UHRF2: variants seen among roughly 807,000 people sequenced by gnomAD.
UHRF2 encodes the protein ubiquitin like with PHD and ring finger domains 2.
In UHRF2, 23 loss-of-function variants were observed where a neutral mutation model predicts 96.8. That is an observed-to-expected ratio of 0.24 (90% CI 0.17 to 0.34). UHRF2 has a LOEUF of 0.34. UHRF2 is among the 10% of genes least tolerant of loss of function. The pLI is 1.00. For synonymous variants in UHRF2, 385 were observed against 332.6 expected, an observed-to-expected ratio of 1.16 and a Z score of -1.72; for missense variants, 685 against 981.5, an observed-to-expected ratio of 0.70 and a Z score of 4.04.
chr9:6,423,968 A>G (rs570895039), intron 2 of UHRF2, among the ~76,000 whole-genome samples: 2 of 150,530 alleles, frequency 1.3e-5, no homozygotes, highest in South Asian at 4.2e-4. Flanking sequence ...AAATAAATAA[A>G]GGAACTCTTG....
rs1025824747 is a variant in UHRF2 at position 6,413,800 on chromosome 9, C to G, written c.153+157C>G. 19 of 960,550 alleles carry G rather than the reference C, an allele frequency of 2.0e-5. No individual in the cohort carries two copies. In the East Asian group the frequency reaches 5.8e-4, roughly 29 times the overall value. The allele number at this position is 960,550 out of a possible 1,614,324, so 59.5% of individuals were successfully genotyped here. Reference sequence around the variant, plus strand: ...CCCGCGAGGCGCGGGGTGCGGGGCCCAGTCCCGCCGAATGGTGGGGAGTGG... The same window carrying G: ...CCCGCGAGGCGCGGGGTGCGGGGCCGAGTCCCGCCGAATGGTGGGGAGTGG... On this transcript the variant is annotated intron_variant, in intron 1 of 15. Coordinates refer to ENST00000276893, the MANE Select transcript of UHRF2 (RefSeq NM_152896.3).
chr9:6,460,121 G>T (rs1822441148), intron 3 of UHRF2, among the ~76,000 whole-genome samples: 1 of 152,230 alleles, frequency 6.6e-6, no homozygotes, highest in African/African-American at 2.4e-5. Context: ...GTCAAATCAT[G>T]AGTGTATATC....
At chr9:6,453,997 T>G (rs2130826927) in intron 3 of UHRF2, among the ~76,000 whole-genome samples, 1 of 151,598 alleles carries the variant, frequency 6.6e-6, no homozygotes, top group East Asian at 1.9e-4. Flanking sequence ...AGATTATTTC[T>G]GCATAATAAA....
chr9:6,451,466 G>T (rs1367750501), intron 3 of UHRF2, among the ~76,000 whole-genome samples: 278 of 141,842 alleles, frequency 2.0e-3, no homozygotes, highest in South Asian at 4.2e-3. Flanking sequence ...GTTTTTTTTT[G>T]TTTTTTTTTT....
chr9:6,470,478 C>T (rs1172147444), intron 4 of UHRF2, among the ~76,000 whole-genome samples: 1 of 151,610 alleles, frequency 6.6e-6, no homozygotes, highest in Admixed American at 6.6e-5. Context: ...CATCAACAGA[C>T]AGGCACTAAG....
intron 1 of UHRF2, among the ~76,000 whole-genome samples, chr9:6,416,486 G>A (rs1254801924): frequency 6.6e-6 from 1 of 152,102 alleles, no homozygotes; most frequent in Non-Finnish European, 1.5e-5. Flanking sequence ...GAGGCACGCG[G>A]GGGATTGGGT....
At chr9:6,483,055 G>A (rs185310366) in intron 8 of UHRF2, among the ~76,000 whole-genome samples, 120 of 152,172 alleles carry the variant, frequency 7.9e-4, no homozygotes, top group Middle Eastern at 3.4e-3. Flanking sequence ...GGCTGGTGTG[G>A]TGGCTCACAC....
intron 9 of UHRF2, among the ~76,000 whole-genome samples, chr9:6,489,566 A>G (rs969575881): frequency 4.6e-5 from 7 of 152,106 alleles, no homozygotes; most frequent in Non-Finnish European, 2.9e-5. Flanking sequence ...TCTGCATCTC[A>G]CCAGCATTCG....
chr9:6,453,140 C>A (rs928173835), intron 3 of UHRF2, among the ~76,000 whole-genome samples: 1 of 152,124 alleles, frequency 6.6e-6, no homozygotes, highest in Non-Finnish European at 1.5e-5. Flanking sequence ...TAATTCTCTC[C>A]TGAGTTTGTA....
chr9:6,504,553 C>G (rs1416038944), intron 14 of UHRF2, 40 bp from the exon 15 acceptor site: 1 of 1,423,710 alleles, frequency 7.0e-7, no homozygotes, highest in Admixed American at 1.8e-5. Context: ...ATATTATGAA[C>G]TGCTAACTTT....
intron 3 of UHRF2, among the ~76,000 whole-genome samples, chr9:6,452,555 G>A (rs10975595): frequency 0.26 from 39,486 of 152,096 alleles, 5,644 homozygotes; most frequent in African/African-American, 0.37. Context: ...AGATGGGGAA[G>A]TGTGTTGGGC....
Position 6,480,931 on chromosome 9 carries a change from A to C in UHRF2, c.1161-712A>C, listed in dbSNP as rs79361723. 3.9e-5 allele frequency among the ~76,000 whole-genome samples: 6 copies of C among 152,282 alleles called. No individual in the cohort carries two copies. In the East Asian group the frequency reaches 1.2e-3, roughly 29 times the overall value. The stretch of plus-strand genomic sequence containing the variant: ...TAGAATAGATAATTGTGAAATAGAA[A>C]GTATGGGCAAAGAAATTTAAGATTA... On this transcript the variant is annotated intron_variant, in intron 6 of 15. Coordinates refer to ENST00000276893, the MANE Select transcript of UHRF2 (RefSeq NM_152896.3).
intron 14 of UHRF2, among the ~76,000 whole-genome samples, chr9:6,501,301 A>G (rs577287650): frequency 7.4e-4 from 112 of 152,278 alleles, no homozygotes; most frequent in Non-Finnish European, 1.3e-3. Context: ...AATATGAACT[A>G]TCTCTTCATT....
rs1416028712 is a variant in UHRF2, at chr9:6,413,352, T to TCCGGA, written c.-135_-134insACCGG. The TCCGGA allele has an allele frequency of 2.4e-5, 20 of 833,724 alleles. 1 individual carries two copies. In the East Asian group the frequency reaches 3.7e-4, roughly 15 times the overall value. 51.6% of individuals were successfully genotyped at this position (833,724 alleles called of 1,614,324 possible). ...TCGTCGCCGCCTGTCGGGCCCGGCG[T>TCCGGA]CCGGTCGGTCCGGTGGGCGCGCTCG... On this transcript the variant is annotated 5_prime_UTR_variant, in exon 1 of 16. Coordinates refer to ENST00000276893, the MANE Select transcript of UHRF2 (RefSeq NM_152896.3).
intron 12 of UHRF2, chr9:6,499,219 CTG>C (rs1327250425): frequency 6.6e-6 from 1 of 152,268 alleles, no homozygotes; most frequent in African/African-American, 2.4e-5. Flanking sequence ...TTAAGCATGA[CTG>C]TTATTACAAA....
At chr9:6,416,906 G>T (rs1381519693) in intron 1 of UHRF2, among the ~76,000 whole-genome samples, 3 of 152,108 alleles carry the variant, frequency 2.0e-5, no homozygotes, top group African/African-American at 7.2e-5. Flanking sequence ...CCACTATAGA[G>T]GTGGTCTTAA....
intron 3 of UHRF2, among the ~76,000 whole-genome samples, chr9:6,454,742 C>T (rs935028362): frequency 4.6e-5 from 7 of 152,152 alleles, no homozygotes; most frequent in South Asian, 4.1e-4. Flanking sequence ...AGTTGGGTAA[C>T]GGTTCAAGAT....
At chr9:6,501,114 A>T (rs1225201923) in intron 14 of UHRF2, among the ~76,000 whole-genome samples, 1 of 152,230 alleles carries the variant, frequency 6.6e-6, no homozygotes, top group Non-Finnish European at 1.5e-5. Flanking sequence ...GGTAAAATTA[A>T]CCAGATTATC....
chr9:6,488,983 T>G (rs1824491128), intron 9 of UHRF2, among the ~76,000 whole-genome samples: 1 of 151,970 alleles, frequency 6.6e-6, no homozygotes, highest in African/African-American at 2.4e-5. Flanking sequence ...CTAATTTTTG[T>G]ATTTTTAGTA....
Sources: gnomAD v4.1 joint callset for allele counts (sites outside exome capture counted in the v4.1 genomes callset) on GRCh38, gnomAD v4.1.1 for gene constraint, MANE v1.5 for transcripts, NCBI Gene and HGNC (gene_info 2026-07-23, HGNC 2026-07-21) for gene names.